RANBP2: variants seen among roughly 807,000 people sequenced by gnomAD.
RANBP2 encodes E3 SUMO-protein ligase RanBP2.
A neutral mutation model predicts 303.6 loss-of-function variants in RANBP2; 57 were observed. The ratio of observed to expected loss-of-function variants is 0.19; its 90% confidence interval spans 0.15 to 0.23. The LOEUF (loss-of-function observed/expected upper bound fraction) is 0.23, where lower values mean the gene tolerates loss of function less well. RANBP2 is among the 10% of genes least tolerant of loss of function. The pLI is 1.00. For synonymous variants in RANBP2, 1,167 were observed against 1,301.5 expected, an observed-to-expected ratio of 0.90 and a Z score of 2.23; for missense variants, 3,138 against 3,780.8, an observed-to-expected ratio of 0.83 and a Z score of 4.46.
the RANBP2 span, among the ~76,000 whole-genome samples, chr2:109,002,008 G>A: frequency 1.3e-5 from 2 of 152,174 alleles, no homozygotes; most frequent in Non-Finnish European, 2.9e-5. Context: ...GGGATTACAG[G>A]CATGAGCCAC....
At chr2:108,913,772 A>G in the RANBP2 span, among the ~76,000 whole-genome samples, 2 of 151,984 alleles carry the variant, frequency 1.3e-5, no homozygotes, top group African/African-American at 4.8e-5. Context: ...AACACAGGGA[A>G]ACCCCGTCTC....
the RANBP2 span, among the ~76,000 whole-genome samples, chr2:109,765,374 TTCTTTC>T: frequency 3.5e-3 from 520 of 150,508 alleles, 15 homozygotes; most frequent in African/African-American, 0.012. Flanking sequence ...CCTGTCCTCT[TTCTTTC>T]TCTTTCTTTT....
At chr2:109,083,425 G>C in the RANBP2 span, among the ~76,000 whole-genome samples, 80,410 of 151,980 alleles carry the variant, frequency 0.53, 22,498 homozygotes, top group South Asian at 0.66. Context: ...ATTTCCCAGA[G>C]CATCACGGCC....
At chr2:108,788,074 A>C (rs1281805888), downstream of RANBP2, 4 of 1,601,224 alleles carry the variant, frequency 2.5e-6, no homozygotes, top group Non-Finnish European at 3.4e-6. Context: ...TAAGAGAAGA[A>C]CTCTAACCTC....
At chr2:109,495,903 G>A in the RANBP2 span, among the ~76,000 whole-genome samples, 9 of 146,532 alleles carry the variant, frequency 6.1e-5, no homozygotes, top group Non-Finnish European at 1.2e-4. Context: ...AAAAGTATGA[G>A]TGCACACTAA....
chr2:109,431,647 G>A, the RANBP2 span, among the ~76,000 whole-genome samples: 5 of 152,182 alleles, frequency 3.3e-5, no homozygotes, highest in Admixed American at 3.3e-4. Flanking sequence ...TGAAATGGGA[G>A]GATTGCTTGA....
At chr2:108,959,566 C>T in the RANBP2 span, among the ~76,000 whole-genome samples, 8 of 152,152 alleles carry the variant, frequency 5.3e-5, no homozygotes, top group Non-Finnish European at 1.0e-4. Flanking sequence ...ACCTGGTTCT[C>T]ACAGCAGTCA....
chr2:109,615,580 A>G, the RANBP2 span: 3 of 1,613,968 alleles, frequency 1.9e-6, no homozygotes, highest in South Asian at 1.1e-5. Flanking sequence ...GTGGGGGCCT[A>G]CGACGCCGAT....
At chr2:109,586,390 G>C in the RANBP2 span, among the ~76,000 whole-genome samples, 13 of 152,192 alleles carry the variant, frequency 8.5e-5, no homozygotes, top group South Asian at 2.7e-3. Flanking sequence ...TATCAGGTGA[G>C]ATGAGTTTAT....
the RANBP2 span, among the ~76,000 whole-genome samples, chr2:109,179,058 T>C: frequency 1.1e-4 from 15 of 141,662 alleles, no homozygotes; most frequent in Non-Finnish European, 1.4e-4. Flanking sequence ...AGAATGAGAG[T>C]CTGTAAGTAA....
the RANBP2 span, chr2:109,604,819 G>A: frequency 6.6e-6 from 1 of 152,234 alleles, no homozygotes; most frequent in Non-Finnish European, 1.5e-5. Context: ...CATCACTGAA[G>A]CCCAAGGAGG....
chr2:108,806,911 T>G, the RANBP2 span, among the ~76,000 whole-genome samples: 1 of 152,202 alleles, frequency 6.6e-6, no homozygotes, highest in African/African-American at 2.4e-5. Context: ...CCCCAGGATC[T>G]CAGTTGAAAG....
chr2:108,936,972 G>C, the RANBP2 span, among the ~76,000 whole-genome samples: 5 of 152,280 alleles, frequency 3.3e-5, no homozygotes, highest in African/African-American at 1.2e-4. Context: ...TTAAATAGCC[G>C]GTCCTGTTCC....
the RANBP2 span, among the ~76,000 whole-genome samples, chr2:109,218,534 G>A: frequency 1.3e-5 from 2 of 152,178 alleles, no homozygotes; most frequent in Non-Finnish European, 2.9e-5. Flanking sequence ...TGGTACGGAT[G>A]CCTTCTGACC....
the RANBP2 span, among the ~76,000 whole-genome samples, chr2:109,290,671 T>C: frequency 6.6e-6 from 1 of 152,204 alleles, no homozygotes; most frequent in African/African-American, 2.4e-5. Flanking sequence ...CCATGGTCTT[T>C]GGGAGCAAGG....
the RANBP2 span, among the ~76,000 whole-genome samples, chr2:109,342,216 G>C: frequency 2.6e-5 from 4 of 152,164 alleles, no homozygotes; most frequent in African/African-American, 7.2e-5. Flanking sequence ...TCCCCATTCC[G>C]CCAGGCCCAG....
the RANBP2 span, among the ~76,000 whole-genome samples, chr2:109,055,994 G>A: frequency 2.6e-5 from 4 of 151,750 alleles, no homozygotes; most frequent in Non-Finnish European, 5.9e-5. Context: ...TCCTGATCTC[G>A]TGATCCACCC....
the RANBP2 span, among the ~76,000 whole-genome samples, chr2:109,049,846 C>A: frequency 6.6e-6 from 1 of 152,130 alleles, no homozygotes; most frequent in South Asian, 2.1e-4. Context: ...TTTTCCCGTT[C>A]GGGGCTATTC....
chr2:109,425,272 C>G, the RANBP2 span, among the ~76,000 whole-genome samples: 1 of 152,212 alleles, frequency 6.6e-6, no homozygotes, highest in Admixed American at 6.5e-5. Flanking sequence ...ATCTCTGCAA[C>G]ATAAAAGTAC....
Sources: gnomAD v4.1 joint callset for allele counts (sites outside exome capture counted in the v4.1 genomes callset) on GRCh38, gnomAD v4.1.1 for gene constraint, MANE v1.5 for transcripts, NCBI Gene and HGNC (gene_info 2026-07-23, HGNC 2026-07-21) for gene names.